The following OR1L6 variants were observed in gnomAD, a reference collection of about 807,000 sequenced individuals.
The protein encoded by OR1L6 is olfactory receptor family 1 subfamily L member 6, also known as olfactory receptor 1L6.
OR1L6 carries 2 observed loss-of-function variants against 3.0 expected under a neutral mutation model. The observed-to-expected ratio is 0.68, with a 90% CI of 0.28 to 2.13. The LOEUF (loss-of-function observed/expected upper bound fraction) is 2.13, where lower values mean the gene tolerates loss of function less well. Ranked by LOEUF, OR1L6 falls within the 30% of genes most tolerant of loss-of-function variation. The pLI, the probability that OR1L6 is intolerant of heterozygous loss-of-function variation, is 0.14. For missense variants in OR1L6, 304 were observed against 378.4 expected (o/e 0.80, Z 1.63); for synonymous variants, 121 against 148.4 (o/e 0.82, Z 1.34).
At chr9:122,743,959 G>T (rs1159792045) in intron 1 of OR1L6, among the ~76,000 whole-genome samples, 3 of 152,124 alleles carry the variant, frequency 2.0e-5, no homozygotes, top group African/African-American at 7.2e-5. Flanking sequence ...TACAGTTTGG[G>T]GAAGAGGTGT....
At position 122,749,833 on chromosome 9, in the gene OR1L6, A is replaced by G. The variant is rs1170225555; in HGVS notation, c.-13-2A>G. 1.2e-6 allele frequency: 2 copies of G among 1,613,942 alleles called. No individual in the cohort carries two copies. The highest frequency in any genetic ancestry group is 3.3e-5 in the Admixed American group (2 of 60,036). ...CCCACTGCTTCTCCAAACCCTATCCAGGAAGTCCAGAGACATGGAGATAAA... is the reference window on the plus strand; with the variant it reads ...CCCACTGCTTCTCCAAACCCTATCCGGGAAGTCCAGAGACATGGAGATAAA... On this transcript the variant is annotated splice_acceptor_variant, in intron 1 of 1. Coordinates refer to ENST00000304720, the MANE Select transcript of OR1L6 (RefSeq NM_001004453.3). LOFTEE classifies it low-confidence loss of function (5UTR_SPLICE).
chr9:122,750,575 G>C lies in OR1L6; in HGVS notation c.728G>C (p.Gly243Ala). The part of the protein sequence containing the change: ...AGKWKAFSTC[G>A]SHLTAVALFY... ...AAGTGGAAGGCCTTCTCTACCTGTGGCTCCCACCTCACTGCAGTAGCCCTT... is the reference window on the plus strand; with the variant it reads ...AAGTGGAAGGCCTTCTCTACCTGTGCCTCCCACCTCACTGCAGTAGCCCTT... The change falls in exon 2 of 2, where the codon GGC (glycine) becomes GCC (alanine). Residue 243 changes from glycine to alanine, a missense_variant. This residue lies in a region of OR1L6 where 91 missense variants were observed against 87.8 expected (regional missense o/e 1.04). Coordinates refer to ENST00000304720, the MANE Select transcript of OR1L6 (RefSeq NM_001004453.3). The C allele has an allele frequency of 6.2e-7, 1 of 1,613,782 alleles. No individual in the cohort carries two copies. The highest frequency in any genetic ancestry group is 8.5e-7 in the Non-Finnish European group (1 of 1,179,942).
At chr9:122,748,595 GT>G (rs1189265320) in intron 1 of OR1L6, among the ~76,000 whole-genome samples, 1 of 152,104 alleles carries the variant, frequency 6.6e-6, no homozygotes, top group Admixed American at 6.5e-5. Flanking sequence ...TTGTGCAGCG[GT>G]CAAGTTAGGG....
At chr9:122,742,535 C>T (rs1374340125) in intron 1 of OR1L6, among the ~76,000 whole-genome samples, 162 bp downstream of exon 1, 1 of 152,144 alleles carries the variant, frequency 6.6e-6, no homozygotes, top group Non-Finnish European at 1.5e-5. Context: ...GGTCAAATAT[C>T]AAATATTTGA....
Position 122,750,608 on chromosome 9 carries a change from G to C in OR1L6, c.761G>C (p.Gly254Ala). 1 of 1,614,100 alleles carries C rather than the reference G, an allele frequency of 6.2e-7. No individual in the cohort carries two copies. The highest frequency in any genetic ancestry group is 8.5e-7 in the Non-Finnish European group (1 of 1,180,028). Residue 254 changes from glycine to alanine, a missense_variant, in exon 2 of 2, where the codon GGG becomes GCG. By Grantham distance (60) the Gly-to-Ala change is moderately conservative (BLOSUM62 0). Around this residue, in one of 3 missense-constraint regions of OR1L6, gnomAD observed 91 missense variants for 87.8 expected, o/e 1.04. Coordinates refer to ENST00000304720, the MANE Select transcript of OR1L6 (RefSeq NM_001004453.3). ...CTCACTGCAGTAGCCCTTTTCTATG[G>C]GAGTATTATTTATGTCTATTTTAGG... ...SHLTAVALFY[G>A]SIIYVYFRPL...
In OR1L6 at chr9:122,749,847, C is replaced by A. The variant is rs1348138899; in HGVS notation, c.-1C>A. 6.2e-7 allele frequency: 1 copy of A among 1,614,050 alleles called. No homozygotes were observed. The highest frequency in any genetic ancestry group is 8.5e-7 in the Non-Finnish European group (1 of 1,179,982). On this transcript the variant is annotated 5_prime_UTR_variant, in exon 2 of 2. Coordinates refer to ENST00000304720, the MANE Select transcript of OR1L6 (RefSeq NM_001004453.3). ...AAACCCTATCCAGGAAGTCCAGAGA[C>A]ATGGAGATAAAGAACTACAGCAGCA...
chr9:122,747,384 G>A (rs2118909089), intron 1 of OR1L6, among the ~76,000 whole-genome samples: 1 of 151,804 alleles, frequency 6.6e-6, no homozygotes. Flanking sequence ...CCCTGAAATT[G>A]TTCTAATTTT....
In OR1L6 at chr9:122,750,659, G is replaced by C; in HGVS notation, c.812G>C (p.Arg271Thr). 8 of 1,614,108 alleles carry C rather than the reference G, an allele frequency of 5.0e-6. No individual in the cohort carries two copies. The highest frequency in any genetic ancestry group is 6.8e-6 in the Non-Finnish European group (8 of 1,180,016). The change falls in exon 2 of 2, where the codon AGG (arginine) becomes ACG (threonine). Residue 271 changes from arginine to threonine, a missense_variant. By Grantham distance (71) the Arg-to-Thr change is moderately conservative. This residue lies in a region of OR1L6 where 91 missense variants were observed against 87.8 expected (regional missense o/e 1.04). Transcript: ENST00000304720. ...CCCCTGTCCATGTACTCAGTGGTTA[G>C]GGACCGGGTAGCCACAGTTATGTAC... is the stretch of plus-strand genomic sequence containing the variant. ...FRPLSMYSVV[R>T]DRVATVMYTV...
At chr9:122,747,104 G>T (rs567226229) in intron 1 of OR1L6, among the ~76,000 whole-genome samples, 1 of 152,000 alleles carries the variant, frequency 6.6e-6, no homozygotes, top group East Asian at 1.9e-4. Context: ...TCTATGTGTG[G>T]GTTAGATAGA....
rs1435912524 is a variant in OR1L6 at position 122,750,072 on chromosome 9, A to G, written c.225A>G (p.Thr75=). The change falls in exon 2 of 2, where the codon ACA becomes ACG. Residue 75 remains threonine (T), a synonymous_variant. Transcript: ENST00000304720. ...SNLSFMDICF[T]TVIVPKMLVN... ...TGTCTTTCATGGATATCTGCTTCACAACAGTCATAGTGCCTAAGATGCTGG... is the reference window on the plus strand; with the variant it reads ...TGTCTTTCATGGATATCTGCTTCACGACAGTCATAGTGCCTAAGATGCTGG... 3 of 1,614,120 alleles carry G rather than the reference A, an allele frequency of 1.9e-6. No homozygotes were observed. The South Asian group carries it at 3.3e-5, about 18-fold the overall frequency.
intron 1 of OR1L6, among the ~76,000 whole-genome samples, chr9:122,748,494 C>T (rs1424343913): frequency 6.6e-6 from 1 of 152,050 alleles, no homozygotes; most frequent in Non-Finnish European, 1.5e-5. Flanking sequence ...AATTAGGCCA[C>T]TTAGAAGTTC....
chr9:122,747,891 AGCTTAATAGTGGTAACAGG>A (rs1828852032), intron 1 of OR1L6, among the ~76,000 whole-genome samples: 1 of 152,104 alleles, frequency 6.6e-6, no homozygotes, highest in Non-Finnish European at 1.5e-5. Flanking sequence ...TCAACAGTAT[AGCTTAATAGTGGTAACAGG>A]AGCCATCCTT....
intron 1 of OR1L6, among the ~76,000 whole-genome samples, chr9:122,749,523 C>T (rs151132252): frequency 7.5e-4 from 114 of 152,176 alleles, no homozygotes; most frequent in African/African-American, 2.6e-3. Context: ...AACTGTAACA[C>T]AGTGAAACCC....
chr9:122,743,085 G>A (rs1048087243), intron 1 of OR1L6, among the ~76,000 whole-genome samples: 3 of 152,292 alleles, frequency 2.0e-5, no homozygotes, highest in Admixed American at 6.5e-5. Context: ...CTTAGGACTC[G>A]GGATACTTAA....
intron 1 of OR1L6, among the ~76,000 whole-genome samples, chr9:122,744,928 T>C (rs1489132856): frequency 6.6e-6 from 1 of 152,038 alleles, no homozygotes; most frequent in Admixed American, 6.5e-5. Flanking sequence ...CTGAGAAAAA[T>C]CTCATAAATT....
Position 122,750,594 on chromosome 9 carries a change from A to G in OR1L6, c.747A>G (p.Val249=), listed in dbSNP as rs780245998. Reference sequence around the variant, plus strand: ...CCTGTGGCTCCCACCTCACTGCAGTAGCCCTTTTCTATGGGAGTATTATTT... The same window carrying G: ...CCTGTGGCTCCCACCTCACTGCAGTGGCCCTTTTCTATGGGAGTATTATTT... ...FSTCGSHLTA[V]ALFYGSIIYV... is the part of the protein sequence containing the mutation. The change falls in exon 2 of 2, where the codon GTA becomes GTG. Residue 249 remains valine, a synonymous_variant. Coordinates refer to ENST00000304720, the MANE Select transcript of OR1L6 (RefSeq NM_001004453.3). The G allele has an allele frequency of 9.9e-6, 16 of 1,613,972 alleles. No homozygotes were observed. Among genetic ancestry groups the G allele is most frequent in the Middle Eastern group, 3.3e-4 (2 of 6,084 alleles).
At chr9:122,748,659 TATC>T (rs1314468630) in intron 1 of OR1L6, among the ~76,000 whole-genome samples, 2 of 152,186 alleles carry the variant, frequency 1.3e-5, no homozygotes, top group Non-Finnish European at 2.9e-5. Context: ...TGAGGCAATT[TATC>T]ATCATTCATT....
chr9:122,742,387 G>A lies in OR1L6; in HGVS notation c.-14+14G>A, dbSNP rs941731491. ...TCAAGCCCACAGGTAGGCACACTGA[G>A]GGGACTTGATAATGGGAACTGTGGA... On this transcript the variant is annotated intron_variant, in intron 1 of 1. Transcript: ENST00000304720. The A allele has an allele frequency of 2.0e-5, 3 of 152,152 alleles. No homozygotes were observed. Among genetic ancestry groups the A allele is most frequent in the African/African-American group, 7.2e-5 (3 of 41,434 alleles). The allele number at this position is 152,152 out of a possible 1,614,324, so 9.4% of individuals were successfully genotyped here.
chr9:122,745,010 G>A (rs1828821424), intron 1 of OR1L6, among the ~76,000 whole-genome samples: 1 of 152,194 alleles, frequency 6.6e-6, no homozygotes, highest in African/African-American at 2.4e-5. Flanking sequence ...TGTCCCAGGG[G>A]TGAAGCTAAA....
Sources: allele counts gnomAD v4.1 joint callset (sites outside exome capture counted in the v4.1 genomes callset), GRCh38; gene constraint gnomAD v4.1.1; regional missense constraint gnomAD v4.1.1; transcripts MANE v1.5; gene names NCBI Gene and HGNC (gene_info 2026-07-23, HGNC 2026-07-21).